LIN54: variants seen among roughly 807,000 people sequenced by gnomAD.
The protein encoded by LIN54 is lin-54 DREAM MuvB core complex component.
LIN54 carries 9 observed loss-of-function variants against 78.7 expected under a neutral mutation model. That is an observed-to-expected ratio of 0.11 (90% CI 0.07 to 0.20). The LOEUF is 0.20. LIN54 is among the 10% of genes least tolerant of loss of function. The pLI, the probability that LIN54 is intolerant of heterozygous loss-of-function variation, is 1.00. For missense variants in LIN54, 573 were observed against 889.9 expected (o/e 0.64, Z 4.53); for synonymous variants, 269 against 318.4 (o/e 0.84, Z 1.65).
intron 4 of LIN54, among the ~76,000 whole-genome samples, chr4:82,961,741 T>TC (rs1724816173): frequency 6.6e-6 from 1 of 152,014 alleles, no homozygotes; most frequent in Non-Finnish European, 1.5e-5. Flanking sequence ...TCACCTGAGG[T>TC]CAGGAGTTTG....
At chr4:83,008,575 C>A (rs1487444966) in intron 1 of LIN54, among the ~76,000 whole-genome samples, 1 of 152,160 alleles carries the variant, frequency 6.6e-6, no homozygotes, top group Non-Finnish European at 1.5e-5. Flanking sequence ...TGGCGTGAAC[C>A]CAGGACGCGG....
chr4:82,988,933 A>G (rs1727424512), intron 1 of LIN54, among the ~76,000 whole-genome samples: 1 of 152,050 alleles, frequency 6.6e-6, no homozygotes, highest in Admixed American at 6.6e-5. Context: ...TTATGCCTGT[A>G]ATCCCAGCAC....
chr4:82,944,028 C>T (rs760504773), intron 5 of LIN54, among the ~76,000 whole-genome samples: 25 of 151,670 alleles, frequency 1.6e-4, no homozygotes, highest in Non-Finnish European at 7.4e-5. Context: ...ACCACCACGC[C>T]CAACTAATTA....
intron 4 of LIN54, among the ~76,000 whole-genome samples, chr4:82,946,942 T>C (rs1046614654): frequency 3.9e-5 from 6 of 151,946 alleles, no homozygotes; most frequent in Middle Eastern, 3.2e-3. Flanking sequence ...TTAGTAGATA[T>C]AGGGTTTCAC....
At chr4:82,938,138 T>TA (rs1460317858) in intron 8 of LIN54, among the ~76,000 whole-genome samples, 4 of 151,914 alleles carry the variant, frequency 2.6e-5, no homozygotes, top group African/African-American at 4.8e-5. Flanking sequence ...AAAATAAAGA[T>TA]AAAAAATAGT....
At position 83,010,670 on chromosome 4, in the gene LIN54, G is replaced by A. The variant is rs567020900; in HGVS notation, c.-219C>T. On this transcript the variant is annotated 5_prime_UTR_variant, in exon 1 of 13. Coordinates refer to ENST00000340417, the MANE Select transcript of LIN54 (RefSeq NM_194282.4). ...CCCGGGGACCGAGAAGGGAGCCGGGGTGGCGACGTCGCCGTCGCCGCCGCC... is the reference window on the plus strand; with the variant it reads ...CCCGGGGACCGAGAAGGGAGCCGGGATGGCGACGTCGCCGTCGCCGCCGCC... 2.4e-6 allele frequency: 3 copies of A among 1,231,662 alleles called. No homozygotes were observed. The African/African-American group carries it at 4.7e-5, about 19-fold the overall frequency. The allele number at this position is 1,231,662 out of a possible 1,614,324, so 76.3% of individuals were successfully genotyped here.
intron 1 of LIN54, among the ~76,000 whole-genome samples, chr4:83,006,504 C>G (rs1255907194): frequency 1.3e-5 from 2 of 150,870 alleles, no homozygotes; most frequent in Admixed American, 1.3e-4. Context: ...ATGCTCGGTG[C>G]CTGGGTGACA....
chr4:82,960,496 C>A (rs1724698576), intron 4 of LIN54, among the ~76,000 whole-genome samples: 1 of 151,240 alleles, frequency 6.6e-6, no homozygotes, highest in African/African-American at 2.4e-5. Context: ...TGAAGTGGTA[C>A]AATTGTGGCT....
chr4:82,972,950 A>G (rs1446968647), intron 3 of LIN54, among the ~76,000 whole-genome samples: 1 of 138,088 alleles, frequency 7.2e-6, no homozygotes, highest in Admixed American at 7.1e-5. Flanking sequence ...AATCCCTCTA[A>G]AAAAAAAAAA....
intron 9 of LIN54, 94 bp from the exon 10 acceptor site, chr4:82,936,475 C>A: frequency 1.6e-6 from 1 of 614,100 alleles, no homozygotes. Context: ...TGTACACATA[C>A]TACATATGTG....
rs370128106 is a variant in LIN54, at chr4:83,005,505, T to C, written c.-33+4979A>G. 1.9e-4 allele frequency among the ~76,000 whole-genome samples: 29 copies of C among 151,910 alleles called. No homozygotes were observed. In the South Asian group the frequency reaches 5.6e-3, roughly 29 times the overall value. ...TTATCTGGGCATGGTGGAGTGCACC[T>C]GTAGTCCCAGTTAGGAGGCTGAGCT... On this transcript the variant is annotated intron_variant, in intron 1 of 12. Transcript: ENST00000340417.
intron 1 of LIN54, among the ~76,000 whole-genome samples, chr4:82,997,675 A>T (rs890928731): frequency 6.6e-6 from 1 of 152,022 alleles, no homozygotes; most frequent in Non-Finnish European, 1.5e-5. Context: ...TAAATGCTAG[A>T]TATGATTTAG....
intron 1 of LIN54, among the ~76,000 whole-genome samples, chr4:83,004,636 G>A (rs1011812248): frequency 1.4e-5 from 2 of 143,420 alleles, no homozygotes; most frequent in Admixed American, 1.3e-4. Context: ...ACTACAGAAC[G>A]AGCACAAGCC....
intron 1 of LIN54, among the ~76,000 whole-genome samples, chr4:83,004,855 C>T (rs1729211541): frequency 6.6e-6 from 1 of 152,030 alleles, no homozygotes. Context: ...ATTTTTTTTA[C>T]ATTGGTTTTA....
At position 82,926,705 on chromosome 4, in the gene LIN54, A is replaced by G. The variant is rs1439987018; in HGVS notation, c.*1397T>C. ...TATTTTAGTAATTATAGGAAAACAGACCTTCCAAATCACTGGCTGAAAATA... is the reference window on the plus strand; with the variant it reads ...TATTTTAGTAATTATAGGAAAACAGGCCTTCCAAATCACTGGCTGAAAATA... On this transcript the variant is annotated 3_prime_UTR_variant, in exon 13 of 13. Coordinates refer to ENST00000340417, the MANE Select transcript of LIN54 (RefSeq NM_194282.4). 4.6e-5 allele frequency: 7 copies of G among 152,198 alleles called. No homozygotes were observed. Among genetic ancestry groups the G allele is most frequent in the Non-Finnish European group, 8.8e-5 (6 of 68,024 alleles). 9.4% of individuals were successfully genotyped at this position (152,198 alleles called of 1,614,324 possible).
chr4:82,938,546 A>G, intron 7 of LIN54, 42 bp from the exon 8 acceptor site: 1 of 1,111,304 alleles, frequency 9.0e-7, no homozygotes, highest in Non-Finnish European at 1.4e-6. Context: ...ATTTCCAAAA[A>G]TGGACAATAC....
intron 1 of LIN54, among the ~76,000 whole-genome samples, chr4:82,993,044 A>G (rs1016967608): frequency 2.7e-5 from 4 of 150,716 alleles, no homozygotes; most frequent in African/African-American, 7.3e-5. Context: ...AAAAAAAAAA[A>G]AAGAAATGAG....
chr4:82,962,694 TGAA>T (rs1225538608), intron 4 of LIN54, among the ~76,000 whole-genome samples: 1 of 150,350 alleles, frequency 6.7e-6, no homozygotes, highest in Admixed American at 6.6e-5. Flanking sequence ...AAATCACAAA[TGAA>T]GAAGTCTTTA....
intron 4 of LIN54, among the ~76,000 whole-genome samples, chr4:82,968,280 G>A (rs1377534800): frequency 6.6e-6 from 1 of 152,006 alleles, no homozygotes; most frequent in African/African-American, 2.4e-5. Context: ...AAACAAGCTT[G>A]TTCTTATAGT....
Sources: gnomAD v4.1 joint callset for allele counts (sites outside exome capture counted in the v4.1 genomes callset) on GRCh38, gnomAD v4.1.1 for gene constraint, MANE v1.5 for transcripts, NCBI Gene and HGNC (gene_info 2026-07-23, HGNC 2026-07-21) for gene names.